SUPT7L: variants seen among roughly 807,000 people sequenced by gnomAD.
SUPT7L encodes SPT7 like, STAGA complex subunit gamma, also known as STAGA complex 65 subunit gamma.
Under a neutral mutation model 35.7 loss-of-function variants are expected in SUPT7L, and 15 were observed. The observed-to-expected ratio is 0.42, with a 90% CI of 0.28 to 0.65. The LOEUF (loss-of-function observed/expected upper bound fraction) is 0.65, where lower values mean the gene tolerates loss of function less well. Ranked by LOEUF, SUPT7L falls within the 30% of genes least tolerant of loss-of-function variation. The pLI, the probability that SUPT7L is intolerant of heterozygous loss-of-function variation, is 0.23. For missense variants in SUPT7L, 434 were observed against 522.2 expected, an observed-to-expected ratio of 0.83 and a Z score of 1.65; for synonymous variants, 168 against 186.2, an observed-to-expected ratio of 0.90 and a Z score of 0.79.
the SUPT7L span, among the ~76,000 whole-genome samples, chr2:27,644,348 A>C: frequency 6.6e-6 from 1 of 152,032 alleles, no homozygotes; most frequent in African/African-American, 2.4e-5. Context: ...TTTTTCTGTG[A>C]TTATATGTTG....
intron 3 of SUPT7L, among the ~76,000 whole-genome samples, chr2:27,660,718 T>G (rs1675058608): frequency 6.6e-6 from 1 of 152,156 alleles, no homozygotes; most frequent in Non-Finnish European, 1.5e-5. Flanking sequence ...CCATGGCCTT[T>G]TTTACATACC....
At chr2:27,642,998 CATAT>C in the SUPT7L span, among the ~76,000 whole-genome samples, 1 of 150,150 alleles carries the variant, frequency 6.7e-6, no homozygotes, top group African/African-American at 2.5e-5. Context: ...CACACACATA[CATAT>C]GCATACATAT....
In SUPT7L at chr2:27,653,732, G is replaced by A. The variant is rs1674664652; in HGVS notation, c.998C>T (p.Ala333Val). ...SPQASSAEVN[A>V]SPLWNLAHVK... ...ATGGGCCAGATTCCAAAGAGGAGAAGCATTTACCTCTGCACCTAGAAACAG... is the reference window on the plus strand; with the variant it reads ...ATGGGCCAGATTCCAAAGAGGAGAAACATTTACCTCTGCACCTAGAAACAG... Residue 333 changes from alanine to valine, a missense_variant, in exon 6 of 6, where the codon GCT (alanine) becomes GTT (valine). Coordinates refer to ENST00000337768, the MANE Select transcript of SUPT7L (RefSeq NM_014860.3). 1 of 1,614,072 alleles carries A rather than the reference G, an allele frequency of 6.2e-7. No individual in the cohort carries two copies. Among genetic ancestry groups the A allele is most frequent in the African/African-American group, 1.3e-5 (1 of 74,910 alleles).
downstream of SUPT7L, among the ~76,000 whole-genome samples, chr2:27,648,845 C>G (rs984282396): frequency 1.3e-5 from 2 of 151,896 alleles, no homozygotes; most frequent in Non-Finnish European, 2.9e-5. Context: ...CCATGTTGGC[C>G]AGGCTGGTCT....
rs1361927540 is a variant in SUPT7L at position 27,657,471 on chromosome 2, C to T, written c.618G>A (p.Arg206=). The T allele has an allele frequency of 1.2e-6, 2 of 1,614,278 alleles. No individual in the cohort carries two copies. Among genetic ancestry groups the T allele is most frequent in the Admixed American group, 3.3e-5 (2 of 60,036 alleles). The part of the protein sequence containing the change: ...LLRFAVDREA[R]LGQTPFPDVM... ...CATCAGGAAAAGGAGTCTGTCCCAG[C>T]CGGGCCTCCCGGTCCACAGCAAAAC... is the stretch of plus-strand genomic sequence containing the variant. Residue 206 remains arginine (R), a synonymous_variant, in exon 4 of 6, where the codon CGG becomes CGA. Transcript: ENST00000337768. The surrounding 1 kb of genome is among the most constrained non-coding windows in gnomAD (Gnocchi z 5.2).
chr2:27,662,907 G>C (rs1675184481), intron 1 of SUPT7L, among the ~76,000 whole-genome samples: 1 of 151,160 alleles, frequency 6.6e-6, no homozygotes, highest in African/African-American at 2.4e-5. Flanking sequence ...AGCCTCTGGA[G>C]TAGCTGGGAC....
At chr2:27,650,097 G>A, downstream of SUPT7L, 1 of 1,418,596 alleles carries the variant, frequency 7.0e-7, no homozygotes, top group Non-Finnish European at 1.0e-6. Flanking sequence ...AAAAAGAATT[G>A]CCCTTTTTTC....
downstream of SUPT7L, chr2:27,650,266 GT>G (rs1012111006): frequency 1.5e-5 from 13 of 884,114 alleles, no homozygotes; most frequent in Non-Finnish European, 2.4e-5. Flanking sequence ...TGAAAGAACT[GT>G]TCTTACCTCT....
chr2:27,662,060 C>A, intron 2 of SUPT7L, 119 bp downstream of exon 2: 2 of 1,384,400 alleles, frequency 1.4e-6, no homozygotes, highest in Non-Finnish European at 1.0e-6. Flanking sequence ...ATTCTCTACA[C>A]TGCTGCTAGA....
At chr2:27,643,731 TTTCCTCATGA>T in the SUPT7L span, among the ~76,000 whole-genome samples, 1 of 152,222 alleles carries the variant, frequency 6.6e-6, no homozygotes, top group Non-Finnish European at 1.5e-5. The surrounding 1 kb of genome is among the most constrained non-coding windows in gnomAD (Gnocchi z 4.0). Context: ...TTGTCTCATG[TTTCCTCATGA>T]TTTGATTCAG....
At position 27,652,513 on chromosome 2, in the gene SUPT7L, C is replaced by T. The variant is rs998854443; in HGVS notation, c.*972G>A. On this transcript the variant is annotated 3_prime_UTR_variant, in exon 6 of 6. Transcript: ENST00000337768. ...ATCATTTACTTAATAAATACTGATT[C>T]AGTACTTATATATACAGATAGTCTG... The T allele has an allele frequency of 6.6e-6, 1 of 152,378 alleles. No individual in the cohort carries two copies. The highest frequency in any genetic ancestry group is 2.4e-5 in the African/African-American group (1 of 41,424). 9.4% of individuals were successfully genotyped at this position (152,378 alleles called of 1,614,324 possible).
chr2:27,650,199 AG>A (rs1674461058), downstream of SUPT7L: 2 of 1,556,058 alleles, frequency 1.3e-6, no homozygotes, highest in Non-Finnish European at 1.8e-6. Flanking sequence ...AACAATAAAT[AG>A]GAGACTTTAG....
Position 27,657,628 on chromosome 2 carries a change from C to A in SUPT7L, c.461G>T (p.Cys154Phe), listed in dbSNP as rs764275544. The A allele has an allele frequency of 1.2e-6, 2 of 1,614,046 alleles. No homozygotes were observed. Among genetic ancestry groups the A allele is most frequent in the South Asian group, 2.2e-5 (2 of 91,070 alleles). ...EPVTELSWHS[C>F]RQLLYQAVAT... is the part of the protein sequence containing the mutation. The stretch of plus-strand genomic sequence containing the variant: ...CACTGCCTGGTAGAGGAGCTGCCGA[C>A]AGGAGTGCCAGCTGAGTTCAGTCAC... The change falls in exon 4 of 6, where the codon TGT (cysteine) becomes TTT (phenylalanine). Residue 154 changes from cysteine (C) to phenylalanine (F), a missense_variant. Coordinates refer to ENST00000337768, the MANE Select transcript of SUPT7L (RefSeq NM_014860.3). The surrounding 1 kb of genome is among the most constrained non-coding windows in gnomAD (Gnocchi z 5.2).
chr2:27,662,425 T>G (rs997166508), intron 1 of SUPT7L, 144 bp from the exon 2 acceptor site: 32 of 507,412 alleles, frequency 6.3e-5, no homozygotes, highest in Non-Finnish European at 1.1e-4. Context: ...CTAACAACAT[T>G]ATACTACTCA....
intron 2 of SUPT7L, 154 bp from the exon 3 acceptor site, chr2:27,661,542 T>C: frequency 6.9e-7 from 1 of 1,442,898 alleles, no homozygotes; most frequent in Non-Finnish European, 9.0e-7. Context: ...AAGTAGGCTA[T>C]TTGTGACCAC....
In SUPT7L at chr2:27,661,280, T is replaced by G. The variant is rs1372258856; in HGVS notation, c.123A>C (p.Gln41His). 5 of 1,613,178 alleles carry G rather than the reference T, an allele frequency of 3.1e-6. No homozygotes were observed. The highest frequency in any genetic ancestry group is 4.2e-6 in the Non-Finnish European group (5 of 1,179,642). The change falls in exon 3 of 6, where the codon CAA becomes CAC. Residue 41 changes from glutamine (Q) to histidine (H), a missense_variant. Physicochemically the swap from Gln to His is conservative, Grantham distance 24 (BLOSUM62 0). Transcript: ENST00000337768. ...GGGGCTTCGGCTTGTTGGCTGAGGG[T>G]TGGTGCAGGGGTGGGTCATGGACTT... ...LVEVHDPPLH[Q>H]PSANKPKPPT...
chr2:27,658,544 CT>C (rs1251175635), intron 3 of SUPT7L, among the ~76,000 whole-genome samples: 5 of 152,264 alleles, frequency 3.3e-5, no homozygotes, highest in South Asian at 2.1e-4. Flanking sequence ...CTGCCTACCC[CT>C]GACAAAGGAA....
At chr2:27,646,240 C>G (rs755354948), downstream of SUPT7L, among the ~76,000 whole-genome samples, 2 of 152,100 alleles carry the variant, frequency 1.3e-5, no homozygotes, top group Non-Finnish European at 2.9e-5. Context: ...CAGGGTTTTG[C>G]CATGTTGGCC....
downstream of SUPT7L, among the ~76,000 whole-genome samples, chr2:27,649,686 T>C: frequency 6.6e-6 from 1 of 152,170 alleles, no homozygotes; most frequent in East Asian, 1.9e-4. Flanking sequence ...CTCCATGTTG[T>C]TGCATGTATC....
Sources: allele counts gnomAD v4.1 joint callset (sites outside exome capture counted in the v4.1 genomes callset), GRCh38; gene constraint gnomAD v4.1.1; non-coding constraint Gnocchi (gnomAD v3.1); transcripts MANE v1.5; gene names NCBI Gene and HGNC (gene_info 2026-07-23, HGNC 2026-07-21).